The following ROBO1 variants were observed in gnomAD, a reference collection of about 807,000 sequenced individuals.
ROBO1 encodes the protein roundabout guidance receptor 1, also known as roundabout homolog 1.
In ROBO1, 149 loss-of-function variants were observed where a neutral mutation model predicts 195.9. The observed-to-expected ratio is 0.76, with a 90% CI of 0.67 to 0.87. The LOEUF is 0.87. Among genes scored for constraint, ROBO1 ranks in the 40% least tolerant of loss-of-function variants. The probability of loss-of-function intolerance (pLI) is 0.00; values close to 1 mark genes in which losing one functional copy is unlikely to be tolerated. For synonymous variants in ROBO1, 816 were observed against 733.2 expected, an observed-to-expected ratio of 1.11 and a Z score of -1.82; for missense variants, 1,933 against 2,068.3, an observed-to-expected ratio of 0.93 and a Z score of 1.27.
chr3:79,600,812 A>G (rs977067148), intron 1 of ROBO1, among the ~76,000 whole-genome samples: 25 of 152,054 alleles, frequency 1.6e-4, no homozygotes, highest in Admixed American at 4.6e-4. Context: ...CACTATTAGA[A>G]TAATTTCTCT....
At chr3:79,288,411 T>TA (rs2032022819) in intron 2 of ROBO1, among the ~76,000 whole-genome samples, 1 of 152,104 alleles carries the variant, frequency 6.6e-6, no homozygotes, top group Admixed American at 6.5e-5. Flanking sequence ...AAGAAAAAAA[T>TA]AAAAAACAGA....
At chr3:79,494,419 C>T (rs1939622117) in intron 2 of ROBO1, among the ~76,000 whole-genome samples, 1 of 151,746 alleles carries the variant, frequency 6.6e-6, no homozygotes, top group Non-Finnish European at 1.5e-5. Context: ...TTGTTTAAAA[C>T]ACAAGGAAAC....
intron 3 of ROBO1, among the ~76,000 whole-genome samples, chr3:79,095,970 A>G (rs1479679744): frequency 6.6e-6 from 1 of 152,018 alleles, no homozygotes; most frequent in Non-Finnish European, 1.5e-5. Context: ...TTAACCATTT[A>G]TCTTAGGCAT....
In ROBO1 at chr3:78,822,270, G is replaced by A. The variant is rs1271256862; in HGVS notation, c.500-75370C>T. On this transcript the variant is annotated intron_variant, in intron 4 of 30. Transcript: ENST00000464233. ...TGTAGAGAAGCGGTGAAAACAAAGG[G>A]GATGTGTGGGGTGGACTAGTATCAT... 5.9e-5 allele frequency among the ~76,000 whole-genome samples: 9 copies of A among 152,152 alleles called. No individual in the cohort carries two copies. In the East Asian group the frequency reaches 1.4e-3, roughly 23 times the overall value.
At chr3:79,546,216 A>T (rs1469402220) in intron 2 of ROBO1, among the ~76,000 whole-genome samples, 1 of 152,066 alleles carries the variant, frequency 6.6e-6, no homozygotes, top group African/African-American at 2.4e-5. Context: ...ACGTTATTGC[A>T]AAAATACAGC....
intron 2 of ROBO1, among the ~76,000 whole-genome samples, chr3:79,235,664 T>A (rs981235698): frequency 3.9e-5 from 6 of 152,154 alleles, no homozygotes; most frequent in Non-Finnish European, 8.8e-5. Context: ...TGGCTTTTCC[T>A]CTGCCCAGTG....
intron 4 of ROBO1, among the ~76,000 whole-genome samples, chr3:78,913,318 T>C (rs1036297475): frequency 2.0e-5 from 3 of 152,074 alleles, no homozygotes; most frequent in African/African-American, 7.2e-5. Context: ...AAACCCAAAA[T>C]TGTGGCCCTT....
intron 1 of ROBO1, among the ~76,000 whole-genome samples, chr3:79,739,400 T>G (rs1324210669): frequency 1.3e-5 from 2 of 152,156 alleles, no homozygotes; most frequent in East Asian, 3.9e-4. Context: ...GCTAAACCTT[T>G]GTATACTCTC....
intron 3 of ROBO1, among the ~76,000 whole-genome samples, chr3:79,073,626 A>T (rs1234525199): frequency 9.9e-5 from 15 of 151,868 alleles, no homozygotes; most frequent in Non-Finnish European, 1.9e-4. Flanking sequence ...GATTTAAAAA[A>T]TATATATATG....
intron 2 of ROBO1, among the ~76,000 whole-genome samples, chr3:79,486,442 T>C (rs997969726): frequency 3.3e-5 from 5 of 152,142 alleles, no homozygotes; most frequent in Non-Finnish European, 7.4e-5. Context: ...AGTACCTCTA[T>C]TTTAGTACAT....
intron 2 of ROBO1, among the ~76,000 whole-genome samples, chr3:79,235,244 T>C (rs1370781621): frequency 2.0e-5 from 3 of 152,206 alleles, no homozygotes; most frequent in South Asian, 2.1e-4. Flanking sequence ...AAACACATTA[T>C]TGAATATTGA....
intron 1 of ROBO1, among the ~76,000 whole-genome samples, chr3:79,697,976 G>C (rs374715827): frequency 6.6e-6 from 1 of 151,386 alleles, no homozygotes. Context: ...ATTAAAAAAT[G>C]TTAGATTTTA....
rs536053122 is a variant in ROBO1 at position 79,662,499 on chromosome 3, A to T, written c.-50-72538T>A. On this transcript the variant is annotated intron_variant, in intron 1 of 30. Coordinates refer to ENST00000464233, the MANE Select transcript of ROBO1 (RefSeq NM_002941.4). ...AAAAGGACAGGGAAGGGGAAACTTT[A>T]GTTGTAGTTTAATTAGTGCTTGCCA... Among the ~76,000 whole-genome samples the T allele has an allele frequency of 3.0e-3, 461 of 152,154 alleles. 2 individuals carry two copies. The highest frequency in any genetic ancestry group is 5.3e-3 in the Non-Finnish European group (363 of 67,986).
At chr3:78,752,934 T>A (rs550047089) in intron 4 of ROBO1, among the ~76,000 whole-genome samples, 24 of 152,300 alleles carry the variant, frequency 1.6e-4, no homozygotes, top group African/African-American at 5.8e-4. Flanking sequence ...CCTTAAATTA[T>A]GCTTTGCTTA....
chr3:79,047,651 C>T (rs2078619522), intron 3 of ROBO1, among the ~76,000 whole-genome samples: 3 of 152,198 alleles, frequency 2.0e-5, no homozygotes, highest in African/African-American at 4.8e-5. Flanking sequence ...TAGCCATACA[C>T]ATTTAGTATA....
At chr3:79,764,506 A>T (rs996144798) in intron 1 of ROBO1, among the ~76,000 whole-genome samples, 7 of 152,208 alleles carry the variant, frequency 4.6e-5, no homozygotes, top group African/African-American at 1.7e-4. Flanking sequence ...CAAATGGTGC[A>T]TTGCACCTGC....
intron 3 of ROBO1, among the ~76,000 whole-genome samples, chr3:79,080,511 C>A (rs2079253109): frequency 6.6e-6 from 1 of 151,870 alleles, no homozygotes; most frequent in South Asian, 2.1e-4. Context: ...ACTTTAGTTT[C>A]TCAATATTTA....
At position 78,713,197 on chromosome 3, in the gene ROBO1, T is replaced by A. The variant is rs1575999947; in HGVS notation, c.1045+1200A>T. The stretch of plus-strand genomic sequence containing the variant: ...CTTGATCTTTCTTTTTTTCCTTTTG[T>A]TTTTATGAGATTGAGCTAAAAACCC... On this transcript the variant is annotated intron_variant, in intron 8 of 30. Transcript: ENST00000464233. 2.6e-5 allele frequency among the ~76,000 whole-genome samples: 4 copies of A among 152,298 alleles called. No individual in the cohort carries two copies. The South Asian group carries it at 6.2e-4, about 24-fold the overall frequency.
intron 4 of ROBO1, among the ~76,000 whole-genome samples, chr3:78,922,806 C>T (rs1576406083): frequency 6.6e-6 from 1 of 151,794 alleles, no homozygotes; most frequent in African/African-American, 2.4e-5. Context: ...GATGGGGTTT[C>T]ACCATAGTCT....
Sources: allele counts gnomAD v4.1 joint callset (sites outside exome capture counted in the v4.1 genomes callset), GRCh38; gene constraint gnomAD v4.1.1; transcripts MANE v1.5; gene names NCBI Gene and HGNC (gene_info 2026-07-23, HGNC 2026-07-21).